FRS2: variants seen among roughly 807,000 people sequenced by gnomAD.
FRS2 encodes FGFR signalling adaptor.
A neutral mutation model predicts 43.9 loss-of-function variants in FRS2; 8 were observed. That is an observed-to-expected ratio of 0.18 (90% CI 0.11 to 0.33). FRS2 has a LOEUF of 0.33. FRS2 is among the 10% of genes least tolerant of loss of function. FRS2 has a pLI of 1.00. For synonymous variants in FRS2, 219 were observed against 220.3 expected (o/e 0.99, Z 0.05); for missense variants, 534 against 627.6 (o/e 0.85, Z 1.59).
chr12:69,526,378 A>G (rs548400114), intron 1 of FRS2, among the ~76,000 whole-genome samples: 2 of 152,338 alleles, frequency 1.3e-5, no homozygotes, highest in East Asian at 1.9e-4. Context: ...TACAGTGGGT[A>G]TATTACTTTT....
chr12:69,566,886 G>A (rs963814595), intron 4 of FRS2, among the ~76,000 whole-genome samples: 1 of 152,110 alleles, frequency 6.6e-6, no homozygotes, highest in African/African-American at 2.4e-5. Flanking sequence ...TTATGGTTGG[G>A]CCCCATTTGT....
chr12:69,542,954 T>C (rs477448), intron 3 of FRS2, among the ~76,000 whole-genome samples: 151,132 of 152,316 alleles, frequency 0.99, 74,981 homozygotes, highest in East Asian at 1. Flanking sequence ...TTAACTTACC[T>C]AGATAGTGTC....
Position 69,574,451 on chromosome 12 carries a change from G to C in FRS2, c.1023G>C (p.Gln341His). Residue 341 changes from glutamine to histidine, a missense_variant, in exon 9 of 9, where the codon CAG becomes CAC. Physicochemically the swap from Gln to His is conservative, Grantham distance 24 (BLOSUM62 0). This residue lies in a region of FRS2 where 446 missense variants were observed against 494.2 expected (regional missense o/e 0.90). Coordinates refer to ENST00000549921, the MANE Select transcript of FRS2 (RefSeq NM_001278356.2). Reference sequence around the variant, plus strand: ...CCCAGAATATCAACAACTCAGCTCAGAGAAGAACTGCATTATTAAACTATG... The same window carrying C: ...CCCAGAATATCAACAACTCAGCTCACAGAAGAACTGCATTATTAAACTATG... Reference protein sequence around the residue: ...SDTQNINNSAQRRTALLNYEN... With the variant: ...SDTQNINNSAHRRTALLNYEN... The C allele has an allele frequency of 6.2e-7, 1 of 1,614,050 alleles. No homozygotes were observed. The highest frequency in any genetic ancestry group is 1.1e-5 in the South Asian group (1 of 91,084).
At chr12:69,566,816 G>A (rs955193175) in intron 4 of FRS2, among the ~76,000 whole-genome samples, 4 of 152,152 alleles carry the variant, frequency 2.6e-5, no homozygotes, top group Non-Finnish European at 5.9e-5. Context: ...CTATCTTCGA[G>A]TTAACTGGAA....
At chr12:69,485,621 T>G (rs1225611123) in intron 1 of FRS2, among the ~76,000 whole-genome samples, 1 of 152,112 alleles carries the variant, frequency 6.6e-6, no homozygotes, top group East Asian at 1.9e-4. Flanking sequence ...TAGCTGGGAT[T>G]ACAGGCTCCC....
chr12:69,537,931 C>G (rs1312796255), intron 3 of FRS2: 1 of 152,376 alleles, frequency 6.6e-6, no homozygotes, highest in East Asian at 1.9e-4. Flanking sequence ...TTTCTTCTTT[C>G]TACCATCATC....
rs189485430 is a variant in FRS2 at position 69,487,587 on chromosome 12, T to C, written c.-261+17057T>C. Among the ~76,000 whole-genome samples the C allele has an allele frequency of 9.8e-5, 15 of 152,358 alleles. 1 individual carries two copies. The East Asian group carries it at 1.5e-3, about 16-fold the overall frequency. ...AGAGCTGTGATGGGGATGTACAAGA[T>C]TAATGTTGTTTTCATGCCTACTAAC... On this transcript the variant is annotated intron_variant, in intron 1 of 8. Coordinates refer to ENST00000549921, the MANE Select transcript of FRS2 (RefSeq NM_001278356.2).
chr12:69,510,571 T>C (rs710789), intron 1 of FRS2, among the ~76,000 whole-genome samples: 59,610 of 151,926 alleles, frequency 0.39, 12,380 homozygotes, highest in South Asian at 0.58. Context: ...TTATCACTAA[T>C]GTCCACTGAA....
chr12:69,479,440 C>T (rs1262136026), intron 1 of FRS2, among the ~76,000 whole-genome samples: 2 of 146,072 alleles, frequency 1.4e-5, no homozygotes, highest in African/African-American at 5.1e-5. Context: ...GCTCTGTTGC[C>T]AGGCTGGAGT....
chr12:69,474,016 T>C lies in FRS2; in HGVS notation c.-261+3486T>C, dbSNP rs532611674. ...CACCACCACGCCCAGCTAACTTTTG[T>C]ATTTTTAGTAGAGACGGGGTTTCAC... is the stretch of plus-strand genomic sequence containing the variant. On this transcript the variant is annotated intron_variant, in intron 1 of 8. Coordinates refer to ENST00000549921, the MANE Select transcript of FRS2 (RefSeq NM_001278356.2). Among the ~76,000 whole-genome samples the C allele has an allele frequency of 1.4e-3, 212 of 152,258 alleles. 1 individual carries two copies. Among genetic ancestry groups the C allele is most frequent in the African/African-American group, 4.9e-3 (204 of 41,544 alleles).
chr12:69,496,335 G>T (rs1368643859), intron 1 of FRS2, among the ~76,000 whole-genome samples: 1 of 152,080 alleles, frequency 6.6e-6, no homozygotes, highest in East Asian at 1.9e-4. Context: ...TACTCAGGCG[G>T]CTGAGGCAAG....
At chr12:69,508,024 CAAAAAAAAAAAAAAA>C (rs11365179) in intron 1 of FRS2, among the ~76,000 whole-genome samples, 6 of 47,598 alleles carry the variant, frequency 1.3e-4, no homozygotes, top group African/African-American at 3.6e-4. Context: ...AACCCCGTCT[CAAAAAAAAAAAAAAA>C]AAAAAAAAAA....
chr12:69,551,140 C>T (rs543104826), intron 3 of FRS2, among the ~76,000 whole-genome samples: 4 of 152,236 alleles, frequency 2.6e-5, no homozygotes, highest in East Asian at 3.9e-4. Flanking sequence ...TTGCCTGAGG[C>T]CGGGAGTTCT....
rs1881242847 is a variant in FRS2, at chr12:69,577,090, T to C, written c.*2135T>C. 6.6e-6 allele frequency: 1 copy of C among 152,376 alleles called. No homozygotes were observed. Among genetic ancestry groups the C allele is most frequent in the Non-Finnish European group, 1.5e-5 (1 of 67,998 alleles). 9.4% of individuals were successfully genotyped at this position (152,376 alleles called of 1,614,324 possible). On this transcript the variant is annotated 3_prime_UTR_variant, in exon 9 of 9. Coordinates refer to ENST00000549921, the MANE Select transcript of FRS2 (RefSeq NM_001278356.2). ...CTGATCTATTTATTCATTTTGGAGG[T>C]TGGGTACTTTATTCTTTCTTTCCGT...
At chr12:69,517,295 T>G (rs1242621164) in intron 1 of FRS2, among the ~76,000 whole-genome samples, 1 of 152,242 alleles carries the variant, frequency 6.6e-6, no homozygotes, top group Admixed American at 6.5e-5. Context: ...TACTTTCAGC[T>G]TATATGTATA....
chr12:69,524,497 T>C (rs952203616), intron 1 of FRS2, among the ~76,000 whole-genome samples: 13 of 151,986 alleles, frequency 8.6e-5, no homozygotes, highest in African/African-American at 3.1e-4. Context: ...GGAGCTGTGA[T>C]GCGGCCCCCA....
intron 3 of FRS2, chr12:69,557,859 A>T (rs1879559531): frequency 6.6e-6 from 1 of 152,190 alleles, no homozygotes; most frequent in South Asian, 2.1e-4. Context: ...TACTAAAGGT[A>T]GAGATAGTAT....
intron 1 of FRS2, chr12:69,491,736 G>C (rs1356505184): frequency 2.6e-5 from 4 of 151,820 alleles, no homozygotes; most frequent in Non-Finnish European, 5.9e-5. Context: ...GGTCTCAAGT[G>C]CCTGGCCTCA....
At chr12:69,558,638 C>T (rs1380066577) in intron 3 of FRS2, among the ~76,000 whole-genome samples, 2 of 152,196 alleles carry the variant, frequency 1.3e-5, no homozygotes, top group African/African-American at 4.8e-5. Flanking sequence ...GTATAGGGAC[C>T]AGCTTTCCCA....
Sources: gnomAD v4.1 joint callset for allele counts (sites outside exome capture counted in the v4.1 genomes callset) on GRCh38, gnomAD v4.1.1 for gene constraint, gnomAD v4.1.1 regional missense constraint, MANE v1.5 for transcripts, NCBI Gene and HGNC (gene_info 2026-07-23, HGNC 2026-07-21) for gene names.